The following CRACR2A variants were observed in gnomAD, a reference collection of about 807,000 sequenced individuals.
CRACR2A encodes calcium release activated channel regulator 2A.
In CRACR2A, 79 loss-of-function variants were observed where a neutral mutation model predicts 90.5. The ratio of observed to expected loss-of-function variants is 0.87; its 90% CI spans 0.73 to 1.05. CRACR2A has a LOEUF of 1.05. Ranked by LOEUF, CRACR2A falls within the 50% of genes least tolerant of loss-of-function variation. CRACR2A has a pLI of 0.00. For missense variants in CRACR2A, 823 were observed against 897.2 expected, an observed-to-expected ratio of 0.92 and a Z score of 1.06; for synonymous variants, 338 against 356.7, an observed-to-expected ratio of 0.95 and a Z score of 0.59.
chr12:3,652,542 T>G (rs1430344117), intron 10 of CRACR2A, among the ~76,000 whole-genome samples: 1 of 152,162 alleles, frequency 6.6e-6, no homozygotes, highest in African/African-American at 2.4e-5. Context: ...CCCAGGCAAT[T>G]AGTGCCAAAT....
At chr12:3,638,969 A>T (rs1404162457) in intron 13 of CRACR2A, among the ~76,000 whole-genome samples, 1 of 152,076 alleles carries the variant, frequency 6.6e-6, no homozygotes, top group Non-Finnish European at 1.5e-5. Context: ...GGACACTCCA[A>T]CTCTTCAGAC....
In CRACR2A at chr12:3,711,194, G is replaced by T. The variant is rs1946002130; in HGVS notation, c.-37+2043C>A. Among the ~76,000 whole-genome samples, 1 of 152,166 alleles carries T rather than the reference G, an allele frequency of 6.6e-6. No homozygotes were observed. The highest frequency in any genetic ancestry group is 2.4e-5 in the African/African-American group (1 of 41,442). ...TGAACCTGTGAAATCAAACAAGTTA[G>T]GTGCTTCCAAAAACAATGATGGGAC... is the stretch of plus-strand genomic sequence containing the variant. On this transcript the variant is annotated intron_variant, in intron 3 of 19. Coordinates refer to ENST00000440314, the MANE Select transcript of CRACR2A (RefSeq NM_001144958.2). This position sits in a 1 kb window ranked among gnomAD's most constrained non-coding sequence, Gnocchi z 4.3.
At chr12:3,709,416 T>C (rs908970100) in intron 3 of CRACR2A, among the ~76,000 whole-genome samples, 9 of 152,212 alleles carry the variant, frequency 5.9e-5, no homozygotes, top group Non-Finnish European at 8.8e-5. Context: ...TTCAGAAAAG[T>C]TAAGTAATTT....
chr12:3,648,344 G>A (rs952762130), intron 11 of CRACR2A, 198 bp downstream of exon 11: 48 of 1,479,438 alleles, frequency 3.2e-5, no homozygotes, highest in Non-Finnish European at 3.4e-5. Flanking sequence ...GGATGTGGGC[G>A]CATGTGTAAA....
At chr12:3,643,841 ATATATAT>A (rs1944625523) in intron 12 of CRACR2A, among the ~76,000 whole-genome samples, 3 of 68,322 alleles carry the variant, frequency 4.4e-5, no homozygotes, top group Non-Finnish European at 7.9e-5. Context: ...AATATATATA[ATATATAT>A]TATATATTTA....
At chr12:3,621,397 T>C (rs954452456) in intron 17 of CRACR2A, among the ~76,000 whole-genome samples, 2 of 134,026 alleles carry the variant, frequency 1.5e-5, no homozygotes, top group Admixed American at 7.5e-5. Flanking sequence ...AGGTTTCTTC[T>C]TTTTTTTTTT....
intron 15 of CRACR2A, among the ~76,000 whole-genome samples, chr12:3,628,232 T>A (rs1186840428): frequency 1.3e-5 from 2 of 151,358 alleles, no homozygotes; most frequent in Admixed American, 6.6e-5. Context: ...TTTCTCTCTT[T>A]CTTTCTTTCT....
intron 4 of CRACR2A, among the ~76,000 whole-genome samples, chr12:3,687,139 G>T (rs1945572113): frequency 6.6e-6 from 1 of 150,590 alleles, no homozygotes; most frequent in South Asian, 2.1e-4. Context: ...TAAGAAGAAA[G>T]AAGAAAAACA....
chr12:3,652,688 TC>T (rs1555109452), intron 10 of CRACR2A, among the ~76,000 whole-genome samples: 1 of 152,178 alleles, frequency 6.6e-6, no homozygotes, highest in Non-Finnish European at 1.5e-5. Flanking sequence ...TAAAACAAGT[TC>T]CGGTAAGTAG....
chr12:3,683,946 C>T (rs1298596066), intron 4 of CRACR2A, among the ~76,000 whole-genome samples: 1 of 152,170 alleles, frequency 6.6e-6, no homozygotes, highest in Non-Finnish European at 1.5e-5. Flanking sequence ...GGCAACCTTC[C>T]AGAACCTAGA....
chr12:3,702,573 T>C (rs536516852), intron 3 of CRACR2A, among the ~76,000 whole-genome samples: 3 of 152,302 alleles, frequency 2.0e-5, no homozygotes, highest in South Asian at 4.1e-4. Flanking sequence ...GATATGAATA[T>C]ATCTGACAAA....
chr12:3,696,751 C>T (rs1247716771), intron 4 of CRACR2A, 21 bp downstream of exon 4: 1 of 1,613,884 alleles, frequency 6.2e-7, no homozygotes. Flanking sequence ...AGTGGGCAGG[C>T]CTACCTGGGA....
intron 4 of CRACR2A, among the ~76,000 whole-genome samples, chr12:3,693,899 C>A (rs546477214): frequency 8.5e-5 from 13 of 152,170 alleles, no homozygotes; most frequent in African/African-American, 2.9e-4. Context: ...TGGCGTGGCG[C>A]CTCTACTTCT....
chr12:3,626,150 G>A (rs34353255), intron 17 of CRACR2A, among the ~76,000 whole-genome samples: 1,595 of 152,264 alleles, frequency 0.01, 19 homozygotes, highest in Middle Eastern at 0.037. Context: ...CTTCCATTTT[G>A]TTCCTTATTT....
intron 1 of CRACR2A, among the ~76,000 whole-genome samples, chr12:3,745,785 T>TAAAAA (rs1292640875): frequency 6.8e-5 from 1 of 14,694 alleles, no homozygotes; most frequent in Admixed American, 9.4e-4. Flanking sequence ...TCTCAAAAAA[T>TAAAAA]AAAATAAAAT....
At chr12:3,694,676 T>C (rs1472304811) in intron 4 of CRACR2A, among the ~76,000 whole-genome samples, 1 of 152,162 alleles carries the variant, frequency 6.6e-6, no homozygotes, top group Non-Finnish European at 1.5e-5. Flanking sequence ...GTTCTTCTTC[T>C]TCATGCATCT....
intron 2 of CRACR2A, among the ~76,000 whole-genome samples, chr12:3,720,682 G>A (rs1946156984): frequency 6.6e-6 from 1 of 152,160 alleles, no homozygotes; most frequent in Non-Finnish European, 1.5e-5. Context: ...CCTACCCCGA[G>A]CTTTTTGGAA....
At chr12:3,624,877 G>A (rs1436914239) in intron 17 of CRACR2A, among the ~76,000 whole-genome samples, 1 of 152,198 alleles carries the variant, frequency 6.6e-6, no homozygotes, top group Non-Finnish European at 1.5e-5. Flanking sequence ...TTCAAGGAGC[G>A]CTTGTTTAGC....
chr12:3,727,150 T>A (rs1946281590), intron 2 of CRACR2A: 1 of 85,148 alleles, frequency 1.2e-5, no homozygotes, highest in South Asian at 4.5e-4. Flanking sequence ...TGAGACTCTG[T>A]CTCAAAAAAA....
Sources: allele counts gnomAD v4.1 joint callset (sites outside exome capture counted in the v4.1 genomes callset), GRCh38; gene constraint gnomAD v4.1.1; non-coding constraint Gnocchi (gnomAD v3.1); transcripts MANE v1.5; gene names NCBI Gene and HGNC (gene_info 2026-07-23, HGNC 2026-07-21).